RUSC2: variants seen among roughly 807,000 people sequenced by gnomAD.
RUSC2 encodes RUN and SH3 domain containing 2.
A neutral mutation model predicts 122.2 loss-of-function variants in RUSC2; 34 were observed. That is an observed-to-expected ratio of 0.28 (90% CI 0.21 to 0.37). The LOEUF (loss-of-function observed/expected upper bound fraction) is 0.37, where lower values mean the gene tolerates loss of function less well. Among genes scored for constraint, RUSC2 ranks in the 10% least tolerant of loss-of-function variants. RUSC2 has a pLI of 1.00. For synonymous variants in RUSC2, 784 were observed against 790.0 expected, an observed-to-expected ratio of 0.99 and a Z score of 0.13; for missense variants, 1,747 against 1,952.4, an observed-to-expected ratio of 0.89 and a Z score of 1.98.
At chr9:35,537,507 G>A (rs1157175991) in intron 1 of RUSC2, among the ~76,000 whole-genome samples, 1 of 152,108 alleles carries the variant, frequency 6.6e-6, no homozygotes, top group African/African-American at 2.4e-5. Context: ...AGGATCAAGG[G>A]GCCATGGCTG....
chr9:35,546,741 C>A lies in RUSC2; in HGVS notation c.220C>A (p.Pro74Thr). 1 of 1,577,244 alleles carries A rather than the reference C, an allele frequency of 6.3e-7. No homozygotes were observed. Among genetic ancestry groups the A allele is most frequent in the Non-Finnish European group, 8.6e-7 (1 of 1,162,414 alleles). Reference sequence around the variant, plus strand: ...GCTATTCAGCAGCCTGCACTCTACTCCAGGAGGAACTGCACGGTCTATAGA... The same window carrying A: ...GCTATTCAGCAGCCTGCACTCTACTACAGGAGGAACTGCACGGTCTATAGA... Reference protein sequence around the residue: ...SLLFSSLHSTPGGTARSIDST... With the variant: ...SLLFSSLHSTTGGTARSIDST... The change falls in exon 2 of 12, where the codon CCA (proline) becomes ACA (threonine). Residue 74 changes from proline to threonine, a missense_variant. Physicochemically the swap from Pro to Thr is conservative, Grantham distance 38 (BLOSUM62 -1). Transcript: ENST00000361226. The surrounding 1 kb of genome is among the most constrained non-coding windows in gnomAD (Gnocchi z 4.3).
Position 35,556,513 on chromosome 9 carries a change from T to G in RUSC2, c.2983+65T>G, listed in dbSNP as rs1822023938. The G allele has an allele frequency of 6.4e-6, 10 of 1,570,470 alleles. No individual in the cohort carries two copies. The South Asian group carries it at 8.2e-5, about 13-fold the overall frequency. ...CACTACCTCCTCACACTTGCCCTAC[T>G]ACCTAGCCAGTCTGAAACCTCTAAG... On this transcript the variant is annotated intron_variant, in intron 5 of 11. Transcript: ENST00000361226.
At chr9:35,494,837 C>A in intron 1 of RUSC2, among the ~76,000 whole-genome samples, 1 of 147,080 alleles carries the variant, frequency 6.8e-6, no homozygotes, top group Non-Finnish European at 1.5e-5. Flanking sequence ...TGCATTTTGT[C>A]TTACCCAAGA....
chr9:35,500,558 G>C (rs1820802599), intron 1 of RUSC2, among the ~76,000 whole-genome samples: 1 of 152,122 alleles, frequency 6.6e-6, no homozygotes, highest in Non-Finnish European at 1.5e-5. Flanking sequence ...ATGGGCTGGT[G>C]GTTTTTTGTA....
At chr9:35,534,212 T>C (rs919040230) in intron 1 of RUSC2, among the ~76,000 whole-genome samples, 1 of 152,196 alleles carries the variant, frequency 6.6e-6, no homozygotes, top group Non-Finnish European at 1.5e-5. Context: ...TGATTAATGA[T>C]GTTAAGCATT....
chr9:35,509,860 A>G (rs1488055069), intron 1 of RUSC2, among the ~76,000 whole-genome samples: 2 of 152,174 alleles, frequency 1.3e-5, no homozygotes, highest in Non-Finnish European at 2.9e-5. Context: ...GTAGGAAGGT[A>G]TTATCCCCAT....
intron 2 of RUSC2, among the ~76,000 whole-genome samples, chr9:35,550,376 A>G (rs1821864875): frequency 6.6e-6 from 1 of 152,088 alleles, no homozygotes; most frequent in Non-Finnish European, 1.5e-5. Context: ...CTATAGTCCC[A>G]GCACTTTAGG....
At position 35,561,743 on chromosome 9, in the gene RUSC2, G is replaced by C. The variant is rs1336755432; in HGVS notation, c.*361G>C. On this transcript the variant is annotated 3_prime_UTR_variant, in exon 12 of 12. Coordinates refer to ENST00000361226, the MANE Select transcript of RUSC2 (RefSeq NM_014806.5). ...CAGGTGGAGATGAGGATGGGTAACA[G>C]TATTGGGGCCAGATCCCTAAGCCCC... 3.7e-6 allele frequency: 2 copies of C among 546,824 alleles called. No homozygotes were observed. The highest frequency in any genetic ancestry group is 6.4e-6 in the Non-Finnish European group (2 of 310,252). The allele number at this position is 546,824 out of a possible 1,614,324, so 33.9% of individuals were successfully genotyped here. A position where few individuals can be genotyped will look rare whatever the true frequency, so the allele number is the denominator to read the frequency against.
Position 35,548,268 on chromosome 9 carries a change from C to T in RUSC2, c.1747C>T (p.Arg583Trp), listed in dbSNP as rs756124282. ...FSPIQEAQQD[R>W]GAPLDEGTCC... ...ACCCATCCAAGAAGCCCAGCAAGAT[C>T]GGGGGGCCCCACTGGATGAGGGCAC... Residue 583 changes from arginine (R) to tryptophan (W), a missense_variant, in exon 2 of 12, where the codon CGG becomes TGG. Transcript: ENST00000361226. The surrounding 1 kb of genome is among the most constrained non-coding windows in gnomAD (Gnocchi z 4.5). 24 of 1,613,828 alleles carry T rather than the reference C, an allele frequency of 1.5e-5. 1 individual carries two copies. The highest frequency in any genetic ancestry group is 1.3e-4 in the African/African-American group (10 of 74,946).
intron 9 of RUSC2, 23 bp from the exon 10 acceptor site, chr9:35,560,006 A>C: frequency 6.4e-7 from 1 of 1,551,360 alleles, no homozygotes; most frequent in Non-Finnish European, 8.8e-7. Context: ...TGTGTGGATC[A>C]GTCCCTCTCT....
chr9:35,493,538 C>G (rs1472769624), intron 1 of RUSC2, among the ~76,000 whole-genome samples: 1 of 152,160 alleles, frequency 6.6e-6, no homozygotes, highest in East Asian at 1.9e-4. Flanking sequence ...GAGTCTCCCT[C>G]CATCAACCAG....
intron 1 of RUSC2, among the ~76,000 whole-genome samples, chr9:35,523,144 C>A (rs941300955): frequency 3.9e-5 from 6 of 152,238 alleles, no homozygotes; most frequent in Non-Finnish European, 5.9e-5. Flanking sequence ...TTAACAACAT[C>A]TAAACTGTTT....
intron 1 of RUSC2, among the ~76,000 whole-genome samples, chr9:35,493,408 G>A (rs754788245): frequency 9.2e-5 from 14 of 152,008 alleles, no homozygotes; most frequent in South Asian, 2.1e-4. Context: ...GGTTGATTCC[G>A]TGGCTTTGCT....
At chr9:35,500,601 A>G (rs1186468908) in intron 1 of RUSC2, among the ~76,000 whole-genome samples, 1 of 152,230 alleles carries the variant, frequency 6.6e-6, no homozygotes, top group Non-Finnish European at 1.5e-5. Flanking sequence ...TGCTTTTACT[A>G]GGAGCACTAC....
rs372460496 is a variant in RUSC2, at chr9:35,529,431, C to A, written c.-92-16999C>A. On this transcript the variant is annotated intron_variant, in intron 1 of 11. Coordinates refer to ENST00000361226, the MANE Select transcript of RUSC2 (RefSeq NM_014806.5). ...CCAGTTCTTTTGGTTTTTTTTCAAG[C>A]AAAACAAGCTGGAAATCTAGATTTT... 3.3e-4 allele frequency among the ~76,000 whole-genome samples: 50 copies of A among 151,208 alleles called. No individual in the cohort carries two copies. In the South Asian group the frequency reaches 9.1e-3, roughly 27 times the overall value.
chr9:35,536,877 C>T (rs1821540652), intron 1 of RUSC2, among the ~76,000 whole-genome samples: 1 of 148,844 alleles, frequency 6.7e-6, no homozygotes, highest in African/African-American at 2.5e-5. Flanking sequence ...AATGAGGAGG[C>T]TCAACTTGAT....
chr9:35,543,555 A>G (rs539241793), intron 1 of RUSC2, among the ~76,000 whole-genome samples: 3 of 152,370 alleles, frequency 2.0e-5, no homozygotes, highest in Admixed American at 2.0e-4. Context: ...GGCACTGGTA[A>G]CAGTTTGTTG....
chr9:35,553,943 C>T (rs1821952694), intron 2 of RUSC2, among the ~76,000 whole-genome samples: 1 of 152,240 alleles, frequency 6.6e-6, no homozygotes, highest in Admixed American at 6.5e-5. Flanking sequence ...GCTCTGAAAT[C>T]AGACTCTGGG....
intron 4 of RUSC2, 27 bp from the exon 5 acceptor site, chr9:35,556,281 C>T: frequency 6.2e-7 from 1 of 1,612,462 alleles, no homozygotes; most frequent in Non-Finnish European, 8.5e-7. Flanking sequence ...GAGAGTTGCT[C>T]AGGATTGATT....
Sources: gnomAD v4.1 joint callset for allele counts (sites outside exome capture counted in the v4.1 genomes callset) on GRCh38, gnomAD v4.1.1 for gene constraint, Gnocchi (gnomAD v3.1) non-coding constraint, MANE v1.5 for transcripts, NCBI Gene and HGNC (gene_info 2026-07-23, HGNC 2026-07-21) for gene names.